The following CDH13 variants were observed in gnomAD, a reference collection of about 807,000 sequenced individuals.
The protein encoded by CDH13 is cadherin 13.
Under a neutral mutation model 63.8 loss-of-function variants are expected in CDH13, and 24 were observed. That is an observed-to-expected ratio of 0.38 (90% CI 0.27 to 0.53). CDH13 has a LOEUF of 0.53. CDH13 is among the 20% of genes least tolerant of loss of function. CDH13 has a pLI of 0.85. For synonymous variants in CDH13, 503 were observed against 355.3 expected (o/e 1.42, Z -4.67); for missense variants, 1,049 against 903.1 (o/e 1.16, Z -2.07).
chr16:83,382,215 C>T (rs2091580779), intron 6 of CDH13, among the ~76,000 whole-genome samples: 1 of 152,174 alleles, frequency 6.6e-6, no homozygotes, highest in South Asian at 2.1e-4. Flanking sequence ...CCATAAAGTA[C>T]TTAGCTTGCT....
rs1916537130 is a variant in CDH13 at position 83,033,214 on chromosome 16, T to C, written c.366+996T>C. ...CCCAACCTACTCATGCTCCTCCTGTTGTTTTGTTTTGTTTCCCATTGACCT... is the reference window on the plus strand; with the variant it reads ...CCCAACCTACTCATGCTCCTCCTGTCGTTTTGTTTTGTTTCCCATTGACCT... On this transcript the variant is annotated intron_variant, in intron 3 of 13. Transcript: ENST00000567109. 2.0e-5 allele frequency among the ~76,000 whole-genome samples: 3 copies of C among 152,304 alleles called. No individual in the cohort carries two copies. In the South Asian group the frequency reaches 6.2e-4, roughly 32 times the overall value.
intron 5 of CDH13, among the ~76,000 whole-genome samples, chr16:83,340,140 C>G (rs1244352227): frequency 6.6e-6 from 1 of 152,182 alleles, no homozygotes; most frequent in Non-Finnish European, 1.5e-5. Flanking sequence ...TATTTGACAG[C>G]TTCTCAAAAA....
chr16:83,175,695 T>A (rs937608780), intron 4 of CDH13, among the ~76,000 whole-genome samples: 3 of 152,152 alleles, frequency 2.0e-5, no homozygotes, highest in African/African-American at 7.2e-5. Context: ...TCATTCTTAC[T>A]CTGGCAGCCA....
intron 4 of CDH13, among the ~76,000 whole-genome samples, chr16:83,144,558 G>A (rs994329494): frequency 1.3e-5 from 2 of 152,198 alleles, no homozygotes; most frequent in African/African-American, 4.8e-5. Flanking sequence ...CATAATAGAT[G>A]CACTGTATTT....
chr16:83,658,712 G>A, intron 8 of CDH13, among the ~76,000 whole-genome samples: 1 of 144,434 alleles, frequency 6.9e-6, no homozygotes, highest in African/African-American at 2.6e-5. Flanking sequence ...ATCCTCACCA[G>A]CAAGGTCTCA....
intron 10 of CDH13, among the ~76,000 whole-genome samples, chr16:83,745,731 C>A (rs1264583614): frequency 6.6e-6 from 1 of 152,184 alleles, no homozygotes; most frequent in Non-Finnish European, 1.5e-5. Flanking sequence ...ACCTTTAAGT[C>A]ATGGACAAGG....
At chr16:82,819,960 C>T (rs1162843825) in intron 1 of CDH13, among the ~76,000 whole-genome samples, 2 of 152,104 alleles carry the variant, frequency 1.3e-5, no homozygotes. Flanking sequence ...CAACTGGCTA[C>T]TGTTAAAATT....
At chr16:83,062,527 A>G (rs946115792) in intron 3 of CDH13, among the ~76,000 whole-genome samples, 16 of 152,180 alleles carry the variant, frequency 1.1e-4, no homozygotes, top group Non-Finnish European at 1.6e-4. Context: ...GGATCATGAG[A>G]TACAGAGTGA....
intron 6 of CDH13, among the ~76,000 whole-genome samples, chr16:83,404,836 G>T (rs2092018305): frequency 6.6e-6 from 1 of 152,200 alleles, no homozygotes; most frequent in Non-Finnish European, 1.5e-5. Flanking sequence ...AACAGGATCT[G>T]TCGGACGCCG....
rs75218087 is a variant in CDH13, at chr16:83,125,277, C to T, written c.367-108C>T. On this transcript the variant is annotated intron_variant, in intron 3 of 13. Transcript: ENST00000567109. ...AGGGTTTGATGGAATACAGTGAACA[C>T]TTTCCAAACAGCTGTATGCTTTCCC... The T allele has an allele frequency of 6.0e-6, 4 of 666,866 alleles. No individual in the cohort carries two copies. The African/African-American group carries it at 7.2e-5, about 12-fold the overall frequency. 41.3% of individuals were successfully genotyped at this position (666,866 alleles called of 1,614,324 possible).
chr16:82,878,776 C>G (rs938371120), intron 2 of CDH13, among the ~76,000 whole-genome samples: 34 of 151,884 alleles, frequency 2.2e-4, no homozygotes, highest in Non-Finnish European at 3.4e-4. Context: ...TTTTCCATTT[C>G]AAAGCACCAA....
Position 82,858,762 on chromosome 16 carries a change from A to C in CDH13, c.157+289A>C, listed in dbSNP as rs190018971. ...TCCAATGAGAGTTGTACACTGTGCAAAGGAAATGAAATTCATTTCCCCTGG... is the reference window on the plus strand; with the variant it reads ...TCCAATGAGAGTTGTACACTGTGCACAGGAAATGAAATTCATTTCCCCTGG... On this transcript the variant is annotated intron_variant, in intron 2 of 13. Transcript: ENST00000567109. 1.1e-3 allele frequency: 512 copies of C among 485,186 alleles called. 1 individual carries two copies. Among genetic ancestry groups the C allele is most frequent in the Non-Finnish European group, 1.6e-3 (437 of 275,254 alleles). The allele number at this position is 485,186 out of a possible 1,614,324, so 30.1% of individuals were successfully genotyped here.
At chr16:82,929,545 G>A (rs1020078178) in intron 2 of CDH13, among the ~76,000 whole-genome samples, 4 of 150,658 alleles carry the variant, frequency 2.7e-5, no homozygotes, top group African/African-American at 7.3e-5. Flanking sequence ...CCAGCGACTC[G>A]GGAGGCTGAA....
chr16:83,246,286 C>T (rs1433531834), intron 5 of CDH13, among the ~76,000 whole-genome samples: 1 of 152,110 alleles, frequency 6.6e-6, no homozygotes, highest in Non-Finnish European at 1.5e-5. Context: ...TTGAACAAGA[C>T]ATAGTATTTT....
chr16:83,116,289 C>A (rs377607202), intron 3 of CDH13, among the ~76,000 whole-genome samples: 11 of 152,310 alleles, frequency 7.2e-5, no homozygotes, highest in African/African-American at 2.6e-4. Context: ...TTATCAGCAT[C>A]CATACCTCAC....
At chr16:83,630,251 A>G (rs965252856) in intron 8 of CDH13, among the ~76,000 whole-genome samples, 10 of 152,200 alleles carry the variant, frequency 6.6e-5, no homozygotes, top group African/African-American at 2.4e-4. Flanking sequence ...AAGGTTAAAT[A>G]AAGTGCAACA....
intron 1 of CDH13, among the ~76,000 whole-genome samples, chr16:82,850,137 T>G (rs1160157602): frequency 3.3e-5 from 5 of 152,246 alleles, no homozygotes; most frequent in African/African-American, 1.2e-4. Flanking sequence ...AAGATTGTGA[T>G]TCCTCTGATG....
chr16:83,371,528 A>T (rs144282131), intron 6 of CDH13, among the ~76,000 whole-genome samples: 1 of 152,250 alleles, frequency 6.6e-6, no homozygotes, highest in African/African-American at 2.4e-5. Flanking sequence ...TAGGTGGCAT[A>T]GAGGTGATCT....
At chr16:82,815,951 C>T (rs1009610094) in intron 1 of CDH13, among the ~76,000 whole-genome samples, 1 of 152,186 alleles carries the variant, frequency 6.6e-6, no homozygotes, top group Non-Finnish European at 1.5e-5. Context: ...TGATAAAATA[C>T]ATAACTGTGT....
Sources: allele counts gnomAD v4.1 joint callset (sites outside exome capture counted in the v4.1 genomes callset), GRCh38; gene constraint gnomAD v4.1.1; transcripts MANE v1.5; gene names NCBI Gene and HGNC (gene_info 2026-07-23, HGNC 2026-07-21).